TMEM178B: variants seen among roughly 807,000 people sequenced by gnomAD.
The protein encoded by TMEM178B is transmembrane protein 178B.
In TMEM178B, 5 loss-of-function variants were observed where a neutral mutation model predicts 31.0. The observed-to-expected ratio is 0.16, with a 90% CI of 0.08 to 0.34. The LOEUF (loss-of-function observed/expected upper bound fraction) is 0.34. Among genes scored for constraint, TMEM178B ranks in the 10% least tolerant of loss-of-function variants. The pLI is 1.00. For synonymous variants in TMEM178B, 164 were observed against 164.0 expected, an observed-to-expected ratio of 1.00 and a Z score of 0.00; for missense variants, 275 against 400.3, an observed-to-expected ratio of 0.69 and a Z score of 2.67.
At chr7:141,212,568 T>G in intron 1 of TMEM178B, 23 bp from the exon 2 acceptor site, 2 of 1,527,488 alleles carry the variant, frequency 1.3e-6, no homozygotes, top group Non-Finnish European at 1.8e-6. Context: ...CTTAACATTT[T>G]GTTTCCTGTT....
intron 2 of TMEM178B, among the ~76,000 whole-genome samples, chr7:141,368,003 G>A (rs1246468344): frequency 6.6e-6 from 1 of 152,138 alleles, no homozygotes; most frequent in Non-Finnish European, 1.5e-5. Context: ...GCTTATTCTG[G>A]AAGAGCAGGC....
At chr7:141,238,549 C>A (rs762544325) in intron 2 of TMEM178B, among the ~76,000 whole-genome samples, 1 of 152,138 alleles carries the variant, frequency 6.6e-6, no homozygotes, top group African/African-American at 2.4e-5. Context: ...GTGGACCAGA[C>A]AGGGAAGTAA....
Position 141,458,870 on chromosome 7 carries a change from G to A in TMEM178B, c.635-11666G>A, listed in dbSNP as rs143177421. Among the ~76,000 whole-genome samples, 41 of 152,228 alleles carry A rather than the reference G, an allele frequency of 2.7e-4. No individual in the cohort carries two copies. The East Asian group carries it at 5.2e-3, about 19-fold the overall frequency. On this transcript the variant is annotated intron_variant, in intron 3 of 3. Coordinates refer to ENST00000565468, the MANE Select transcript of TMEM178B (RefSeq NM_001195278.2). ...CGTGCATGGGTGCATGCACCTGTGCGCACGCACACACACACACATACACAC... is the reference window on the plus strand; with the variant it reads ...CGTGCATGGGTGCATGCACCTGTGCACACGCACACACACACACATACACAC...
chr7:141,447,842 C>T (rs373294626), intron 3 of TMEM178B, among the ~76,000 whole-genome samples: 41 of 152,160 alleles, frequency 2.7e-4, no homozygotes, highest in African/African-American at 6.5e-4. Flanking sequence ...CAGGATGTCT[C>T]GTTCAAACAT....
chr7:141,172,859 A>G (rs1796370240), intron 1 of TMEM178B, among the ~76,000 whole-genome samples: 1 of 152,038 alleles, frequency 6.6e-6, no homozygotes, highest in East Asian at 1.9e-4. Flanking sequence ...TGATTAAATT[A>G]TTCCTTATAG....
intron 2 of TMEM178B, among the ~76,000 whole-genome samples, chr7:141,339,412 A>G (rs1057053391): frequency 1.3e-5 from 2 of 152,206 alleles, no homozygotes; most frequent in Non-Finnish European, 2.9e-5. Flanking sequence ...CAAGTCAGCA[A>G]TGGTTCAGGA....
chr7:141,373,312 G>A (rs559528926), intron 2 of TMEM178B, among the ~76,000 whole-genome samples: 3 of 152,186 alleles, frequency 2.0e-5, no homozygotes, highest in Non-Finnish European at 2.9e-5. Flanking sequence ...TGTGATCCTC[G>A]GACCCAAATA....
At chr7:141,365,275 A>G (rs1265222216) in intron 2 of TMEM178B, among the ~76,000 whole-genome samples, 1 of 152,232 alleles carries the variant, frequency 6.6e-6, no homozygotes, top group Non-Finnish European at 1.5e-5. Flanking sequence ...TAGAAACTAA[A>G]TTGGAGTGTG....
At chr7:141,222,056 G>A (rs1277844580) in intron 2 of TMEM178B, among the ~76,000 whole-genome samples, 2 of 150,298 alleles carry the variant, frequency 1.3e-5, no homozygotes, top group South Asian at 2.1e-4. Context: ...AAGGGTCAGG[G>A]CAGGAGAGCA....
downstream of TMEM178B, among the ~76,000 whole-genome samples, chr7:141,481,447 C>T (rs771370597): frequency 3.3e-5 from 5 of 152,182 alleles, no homozygotes; most frequent in South Asian, 4.2e-4. Context: ...GCTGCATCTC[C>T]GTGTGGTAGA....
chr7:141,101,628 CGG>C (rs981022392), intron 1 of TMEM178B, among the ~76,000 whole-genome samples: 24 of 152,120 alleles, frequency 1.6e-4, no homozygotes, highest in African/African-American at 5.6e-4. Context: ...TGGCAGCAGC[CGG>C]AGAGACTGAT....
intron 2 of TMEM178B, chr7:141,429,713 A>G (rs983372545): frequency 6.6e-6 from 1 of 152,240 alleles, no homozygotes; most frequent in African/African-American, 2.4e-5. Context: ...CTCCCACAAA[A>G]GTGATAACTG....
chr7:141,428,387 A>AAAAAG (rs1563180010), intron 2 of TMEM178B, among the ~76,000 whole-genome samples: 7 of 143,990 alleles, frequency 4.9e-5, no homozygotes, highest in African/African-American at 7.9e-5. Context: ...AAAAAAAAGA[A>AAAAAG]AAAAAGAAAA....
intron 2 of TMEM178B, among the ~76,000 whole-genome samples, chr7:141,293,409 G>A (rs1224978568): frequency 6.6e-6 from 1 of 152,162 alleles, no homozygotes; most frequent in Non-Finnish European, 1.5e-5. Flanking sequence ...TAAGACCCCT[G>A]ACTTGTGCCT....
At chr7:141,114,155 C>T (rs1795279742) in intron 1 of TMEM178B, among the ~76,000 whole-genome samples, 1 of 152,234 alleles carries the variant, frequency 6.6e-6, no homozygotes, top group African/African-American at 2.4e-5. Context: ...CAACACACCT[C>T]CTTTCAGCAT....
intron 2 of TMEM178B, among the ~76,000 whole-genome samples, chr7:141,322,772 G>A (rs1010755671): frequency 6.6e-6 from 1 of 152,150 alleles, no homozygotes; most frequent in Non-Finnish European, 1.5e-5. Flanking sequence ...GGAAAGGAGA[G>A]GTTGAGGGTG....
chr7:141,192,350 C>T (rs1303274585), intron 1 of TMEM178B, among the ~76,000 whole-genome samples: 3 of 151,960 alleles, frequency 2.0e-5, no homozygotes, highest in Non-Finnish European at 4.4e-5. Flanking sequence ...GGAGATAGGC[C>T]ATGTACCTGG....
intron 3 of TMEM178B, among the ~76,000 whole-genome samples, chr7:141,441,177 G>C (rs1181749): frequency 0.34 from 51,221 of 152,078 alleles, 11,173 homozygotes; most frequent in East Asian, 0.6. Context: ...TGCACTTCCC[G>C]CCTCTTTGCT....
chr7:141,156,088 C>T (rs188523663), intron 1 of TMEM178B, among the ~76,000 whole-genome samples: 72 of 152,172 alleles, frequency 4.7e-4, no homozygotes, highest in African/African-American at 1.7e-3. Context: ...AACCCCAAAA[C>T]AAATATGGAG....
Sources: gnomAD v4.1 joint callset for allele counts (sites outside exome capture counted in the v4.1 genomes callset) on GRCh38, gnomAD v4.1.1 for gene constraint, MANE v1.5 for transcripts, NCBI Gene and HGNC (gene_info 2026-07-23, HGNC 2026-07-21) for gene names.